PDE1C: variants seen among roughly 807,000 people sequenced by gnomAD.
PDE1C encodes phosphodiesterase 1C.
In PDE1C, 62 loss-of-function variants were observed where a neutral mutation model predicts 93.1. The observed-to-expected ratio is 0.67, with a 90% CI of 0.54 to 0.82. The LOEUF is 0.82. Among genes scored for constraint, PDE1C ranks in the 40% least tolerant of loss-of-function variants. The pLI, the probability that PDE1C is intolerant of heterozygous loss-of-function variation, is 0.00. For synonymous variants in PDE1C, 325 were observed against 310.1 expected (o/e 1.05, Z -0.50); for missense variants, 742 against 884.6 (o/e 0.84, Z 2.04).
chr7:32,007,786 T>G (rs1402034119), intron 2 of PDE1C, among the ~76,000 whole-genome samples: 1 of 152,196 alleles, frequency 6.6e-6, no homozygotes, highest in African/African-American at 2.4e-5. Flanking sequence ...ATCATTGATT[T>G]GTTTATTTTT....
chr7:31,813,583 C>T (rs2128718686), intron 15 of PDE1C, among the ~76,000 whole-genome samples: 1 of 152,074 alleles, frequency 6.6e-6, no homozygotes, highest in Non-Finnish European at 1.5e-5. Context: ...CCTGTACTGC[C>T]CTCTAAAACA....
chr7:31,824,865 A>T lies in PDE1C; in HGVS notation c.1406+2T>A. On this transcript the variant is annotated splice_donor_variant, in intron 13 of 17. Coordinates refer to ENST00000396191, the MANE Select transcript of PDE1C (RefSeq NM_001191057.4). LOFTEE classifies it high-confidence loss of function. ...CCTCAGCCCTCAAGCTTCCCCACTG[A>T]CCTCGAACGCCTCTGTCCTGTCCCA... 6.2e-7 allele frequency: 1 copy of T among 1,612,252 alleles called. No homozygotes were observed. The highest frequency in any genetic ancestry group is 1.3e-5 in the African/African-American group (1 of 74,892).
intron 2 of PDE1C, among the ~76,000 whole-genome samples, chr7:31,962,051 T>A: frequency 6.6e-6 from 1 of 152,220 alleles, no homozygotes. Flanking sequence ...TATCTATCTA[T>A]AATGTCCAGA....
chr7:32,100,852 T>C (rs1167208949), intron 3 of PDE1C, among the ~76,000 whole-genome samples: 2 of 152,044 alleles, frequency 1.3e-5, no homozygotes, highest in Non-Finnish European at 2.9e-5. Context: ...TTCAAACAAG[T>C]GTGCCAGAGG....
intron 16 of PDE1C, among the ~76,000 whole-genome samples, chr7:31,800,290 G>A (rs1785844039): frequency 6.6e-6 from 1 of 151,238 alleles, no homozygotes; most frequent in Admixed American, 6.6e-5. Context: ...TTGTACTTTT[G>A]TGGTCATGCC....
intron 1 of PDE1C, among the ~76,000 whole-genome samples, chr7:32,265,941 G>A (rs533131012): frequency 7.2e-6 from 1 of 139,722 alleles, no homozygotes; most frequent in Admixed American, 7.2e-5. Context: ...TCAGGTGGGG[G>A]TAAGAGGGAA....
chr7:32,278,784 A>G (rs1811449584), intron 1 of PDE1C, among the ~76,000 whole-genome samples: 1 of 152,248 alleles, frequency 6.6e-6, no homozygotes, highest in Non-Finnish European at 1.5e-5. Flanking sequence ...TAAGACACAC[A>G]GGAGCTTCCA....
chr7:32,113,374 CTCTG>C (rs1379054025), intron 3 of PDE1C, among the ~76,000 whole-genome samples: 4 of 148,156 alleles, frequency 2.7e-5, no homozygotes, highest in East Asian at 2.0e-4. Context: ...TTTTATTCAT[CTCTG>C]TCTGTCTACA....
At chr7:32,299,030 C>T in exon 1 of PDE1C, 2 of 1,201,994 alleles carry the variant, frequency 1.7e-6, no homozygotes, top group Non-Finnish European at 2.1e-6. Context: ...GGACGCGCGC[C>T]CGAGCGCGTG....
chr7:31,650,987 A>G, the PDE1C span, among the ~76,000 whole-genome samples: 2 of 152,052 alleles, frequency 1.3e-5, no homozygotes, highest in Non-Finnish European at 2.9e-5. Context: ...TGTGAACCCA[A>G]ATATTGGGCT....
intron 2 of PDE1C, among the ~76,000 whole-genome samples, chr7:31,938,017 T>C (rs1805322025): frequency 6.6e-6 from 1 of 152,150 alleles, no homozygotes; most frequent in African/African-American, 2.4e-5. Context: ...AGGTATGTTA[T>C]ACTCATTTAA....
intron 16 of PDE1C, chr7:31,790,068 G>C (rs1033226330): frequency 5.6e-6 from 8 of 1,423,530 alleles, no homozygotes; most frequent in African/African-American, 1.5e-5. Context: ...TTCATCCCCT[G>C]GAAGGAGATG....
At chr7:32,122,052 A>G (rs1041359695) in intron 3 of PDE1C, among the ~76,000 whole-genome samples, 1 of 152,200 alleles carries the variant, frequency 6.6e-6, no homozygotes, top group Non-Finnish European at 1.5e-5. Flanking sequence ...GAAAGCAAAA[A>G]AATAGCAAGG....
At chr7:31,982,689 T>A (rs913219014) in intron 2 of PDE1C, among the ~76,000 whole-genome samples, 13 of 152,072 alleles carry the variant, frequency 8.5e-5, no homozygotes, top group African/African-American at 3.1e-4. Context: ...AAGAACCAAC[T>A]CACTATAACA....
downstream of PDE1C, among the ~76,000 whole-genome samples, chr7:31,748,404 G>C (rs559554862): frequency 6.6e-6 from 1 of 152,180 alleles, no homozygotes; most frequent in Non-Finnish European, 1.5e-5. Flanking sequence ...TATAAGCTTG[G>C]CTCAGCTGAA....
At chr7:32,357,796 C>G (rs192009956) in intron 1 of PDE1C, among the ~76,000 whole-genome samples, 77 of 152,278 alleles carry the variant, frequency 5.1e-4, no homozygotes, top group African/African-American at 1.8e-3. Context: ...CTATCAATGG[C>G]CCTTCCAAGC....
the PDE1C span, among the ~76,000 whole-genome samples, chr7:31,676,086 T>A: frequency 6.6e-6 from 1 of 152,270 alleles, no homozygotes; most frequent in South Asian, 2.1e-4. Context: ...AGTAGGCCCC[T>A]ACAGATGCTC....
chr7:31,663,900 A>G, the PDE1C span, among the ~76,000 whole-genome samples: 1 of 152,200 alleles, frequency 6.6e-6, no homozygotes, highest in Admixed American at 6.5e-5. Flanking sequence ...CCAGGATTAC[A>G]GTAGCTCAAA....
At chr7:32,269,438 AT>A (rs1333006301) in intron 1 of PDE1C, among the ~76,000 whole-genome samples, 1 of 142,270 alleles carries the variant, frequency 7.0e-6, no homozygotes, top group Non-Finnish European at 1.5e-5. Flanking sequence ...TGTAGGATAT[AT>A]TTTTTTGATG....
Sources: allele counts gnomAD v4.1 joint callset (sites outside exome capture counted in the v4.1 genomes callset), GRCh38; gene constraint gnomAD v4.1.1; transcripts MANE v1.5; gene names NCBI Gene and HGNC (gene_info 2026-07-23, HGNC 2026-07-21).